Variants in MSRA observed in about 807,000 individuals in gnomAD.
The protein encoded by MSRA is mitochondrial peptide methionine sulfoxide reductase.
MSRA carries 54 observed loss-of-function variants against 31.3 expected under a neutral mutation model. The observed-to-expected ratio is 1.73, with a 90% CI of 1.39 to 2.17. MSRA has a LOEUF of 2.17. Among genes scored for constraint, MSRA ranks in the 30% most tolerant of loss-of-function variants. The pLI is 0.00. For synonymous variants in MSRA, 169 were observed against 116.5 expected (o/e 1.45, Z -2.90); for missense variants, 507 against 300.9 (o/e 1.69, Z -5.07).
intron 4 of MSRA, among the ~76,000 whole-genome samples, chr8:10,303,025 C>T (rs1800931430): frequency 6.6e-6 from 1 of 152,200 alleles, no homozygotes; most frequent in Non-Finnish European, 1.5e-5. Context: ...GCCAGTCGCT[C>T]CTTCTGGTAA....
chr8:10,273,292 A>G (rs946229489), intron 3 of MSRA, among the ~76,000 whole-genome samples: 1 of 152,204 alleles, frequency 6.6e-6, no homozygotes, highest in African/African-American at 2.4e-5. Flanking sequence ...ACATTATTTT[A>G]CCTGCTCCTT....
At chr8:10,137,920 A>G (rs1406922462) in intron 1 of MSRA, among the ~76,000 whole-genome samples, 2 of 152,236 alleles carry the variant, frequency 1.3e-5, no homozygotes, top group Non-Finnish European at 2.9e-5. Context: ...CCGCAAAGGC[A>G]TTATCTCTAG....
chr8:10,125,347 G>A (rs1018799799), intron 1 of MSRA, among the ~76,000 whole-genome samples: 1 of 152,222 alleles, frequency 6.6e-6, no homozygotes, highest in African/African-American at 2.4e-5. Flanking sequence ...AATCTTGGTA[G>A]AAAAGTGAGC....
intron 4 of MSRA, among the ~76,000 whole-genome samples, chr8:10,312,540 T>G (rs563324730): frequency 2.6e-4 from 40 of 152,328 alleles, no homozygotes; most frequent in African/African-American, 9.6e-4. Context: ...TAGAGAGAGA[T>G]GCAGTCCATC....
intron 1 of MSRA, among the ~76,000 whole-genome samples, chr8:10,176,311 C>A (rs577862189): frequency 2.6e-5 from 4 of 152,274 alleles, no homozygotes; most frequent in African/African-American, 9.6e-5. Context: ...ATCAAGCCTC[C>A]TCAGAGATGC....
intron 5 of MSRA, among the ~76,000 whole-genome samples, chr8:10,406,291 C>G (rs1289617033): frequency 6.6e-6 from 1 of 152,202 alleles, no homozygotes; most frequent in Non-Finnish European, 1.5e-5. Context: ...AGTTCCTTAA[C>G]CTCTCTGAAC....
intron 2 of MSRA, among the ~76,000 whole-genome samples, chr8:10,217,801 A>G (rs1254098372): frequency 6.6e-6 from 1 of 152,118 alleles, no homozygotes; most frequent in Non-Finnish European, 1.5e-5. Context: ...CAGTGAGTCC[A>G]TTTCCCCTGT....
At chr8:10,078,005 T>C (rs1798080022) in intron 1 of MSRA, among the ~76,000 whole-genome samples, 1 of 152,240 alleles carries the variant, frequency 6.6e-6, no homozygotes, top group South Asian at 2.1e-4. Context: ...TTGAAGGTTT[T>C]GGGATTTAAG....
chr8:10,318,524 G>C (rs998173139), intron 4 of MSRA, among the ~76,000 whole-genome samples: 1 of 152,150 alleles, frequency 6.6e-6, no homozygotes, highest in Non-Finnish European at 1.5e-5. Flanking sequence ...AAAGAGGAAA[G>C]ACATATAGGA....
chr8:10,102,847 A>G (rs910904024), intron 1 of MSRA, among the ~76,000 whole-genome samples: 1 of 152,164 alleles, frequency 6.6e-6, no homozygotes, highest in East Asian at 1.9e-4. Flanking sequence ...CAGGCTACCC[A>G]TAGTTGATAC....
chr8:10,305,409 C>CTTT (rs549346544), intron 4 of MSRA, among the ~76,000 whole-genome samples: 5 of 122,968 alleles, frequency 4.1e-5, no homozygotes, highest in African/African-American at 9.1e-5. Flanking sequence ...TGTTTTCTTC[C>CTTT]TTTTTTTTTT....
At chr8:10,151,656 A>G (rs1052115627) in intron 1 of MSRA, among the ~76,000 whole-genome samples, 16 of 152,314 alleles carry the variant, frequency 1.1e-4, no homozygotes, top group African/African-American at 3.6e-4. Flanking sequence ...TCTCAAAAAC[A>G]AAACAAAACA....
At chr8:10,333,756 G>C (rs1157579744) in intron 5 of MSRA, among the ~76,000 whole-genome samples, 1 of 151,112 alleles carries the variant, frequency 6.6e-6, no homozygotes, top group Non-Finnish European at 1.5e-5. Context: ...CGCTTGGCTT[G>C]CATCTCGTTT....
At chr8:10,088,885 G>C (rs1798711413) in intron 1 of MSRA, among the ~76,000 whole-genome samples, 2 of 152,280 alleles carry the variant, frequency 1.3e-5, no homozygotes, top group South Asian at 4.2e-4. Context: ...CAGACACAGA[G>C]AGAGAAATAT....
chr8:10,256,137 C>A (rs1021808764), intron 3 of MSRA, among the ~76,000 whole-genome samples: 13 of 151,700 alleles, frequency 8.6e-5, no homozygotes, highest in Non-Finnish European at 1.3e-4. Context: ...AGCCCATCCT[C>A]CCCCCCCAAC....
chr8:10,240,136 A>G (rs932349833), intron 2 of MSRA, among the ~76,000 whole-genome samples: 1 of 152,218 alleles, frequency 6.6e-6, no homozygotes, highest in African/African-American at 2.4e-5. Flanking sequence ...ACGTGCCAAG[A>G]ATACATGTAT....
intron 1 of MSRA, among the ~76,000 whole-genome samples, chr8:10,163,028 G>C (rs560535948): frequency 3.2e-4 from 49 of 152,174 alleles, no homozygotes; most frequent in African/African-American, 1.1e-3. Context: ...TTTGTTACGA[G>C]AGTGCGACCC....
At chr8:10,183,255 G>A (rs1806705186) in intron 1 of MSRA, among the ~76,000 whole-genome samples, 1 of 152,196 alleles carries the variant, frequency 6.6e-6, no homozygotes, top group African/African-American at 2.4e-5. Context: ...GATGTAGGAG[G>A]TGATAAAGAC....
At chr8:10,210,284 C>G (rs985750932) in intron 2 of MSRA, among the ~76,000 whole-genome samples, 1 of 152,164 alleles carries the variant, frequency 6.6e-6, no homozygotes. Context: ...GTTGGTGGAG[C>G]TACAGTTTGA....
Sources: gnomAD v4.1 joint callset for allele counts (sites outside exome capture counted in the v4.1 genomes callset) on GRCh38, gnomAD v4.1.1 for gene constraint, MANE v1.5 for transcripts, NCBI Gene and HGNC (gene_info 2026-07-23, HGNC 2026-07-21) for gene names.